RBMS1: variants seen among roughly 807,000 people sequenced by gnomAD.
The protein encoded by RBMS1 is RNA binding motif single stranded interacting protein 1.
Under a neutral mutation model 62.3 loss-of-function variants are expected in RBMS1, and 17 were observed. The ratio of observed to expected loss-of-function variants is 0.27; its 90% CI spans 0.19 to 0.41. RBMS1 has a LOEUF of 0.41. Ranked by LOEUF, RBMS1 falls within the 10% of genes least tolerant of loss-of-function variation. RBMS1 has a pLI of 1.00. For synonymous variants in RBMS1, 172 were observed against 170.0 expected, an observed-to-expected ratio of 1.01 and a Z score of -0.09; for missense variants, 334 against 504.5, an observed-to-expected ratio of 0.66 and a Z score of 3.24.
At chr2:160,447,773 C>A (rs1683719165) in intron 1 of RBMS1, among the ~76,000 whole-genome samples, 1 of 152,178 alleles carries the variant, frequency 6.6e-6, no homozygotes, top group Non-Finnish European at 1.5e-5. Flanking sequence ...ATCCAAAGAT[C>A]AAGAGATACT....
chr2:160,309,433 T>C (rs1689727574), intron 4 of RBMS1, among the ~76,000 whole-genome samples: 1 of 152,156 alleles, frequency 6.6e-6, no homozygotes, highest in Admixed American at 6.5e-5. Flanking sequence ...TAAGGATGAC[T>C]GGCAAAGGTA....
At chr2:160,425,341 T>A (rs1167634714) in intron 1 of RBMS1, among the ~76,000 whole-genome samples, 1 of 152,236 alleles carries the variant, frequency 6.6e-6, no homozygotes, top group African/African-American at 2.4e-5. Flanking sequence ...TGGCTTTTAA[T>A]TAATTTATAT....
chr2:160,411,031 C>G (rs1024954329), intron 1 of RBMS1, among the ~76,000 whole-genome samples: 18 of 152,154 alleles, frequency 1.2e-4, no homozygotes, highest in Non-Finnish European at 2.4e-4. Flanking sequence ...CCTGAGCCAC[C>G]GCACCTCACC....
intron 1 of RBMS1, among the ~76,000 whole-genome samples, chr2:160,451,226 TATTA>T (rs903701005): frequency 2.6e-5 from 4 of 152,070 alleles, no homozygotes; most frequent in African/African-American, 9.7e-5. Flanking sequence ...TGATGTTTTG[TATTA>T]ATTGTCAAAG....
At chr2:160,397,145 G>T (rs1019729180) in intron 1 of RBMS1, among the ~76,000 whole-genome samples, 2 of 151,942 alleles carry the variant, frequency 1.3e-5, no homozygotes, top group Non-Finnish European at 2.9e-5. Context: ...TCGTACCTCT[G>T]AACTCCCATG....
At chr2:160,390,756 A>G (rs1487875775) in intron 1 of RBMS1, among the ~76,000 whole-genome samples, 2 of 151,920 alleles carry the variant, frequency 1.3e-5, no homozygotes, top group African/African-American at 4.8e-5. Flanking sequence ...ACTTGCACAA[A>G]GCAGAGGATG....
chr2:160,408,973 G>A (rs1327434633), intron 1 of RBMS1, among the ~76,000 whole-genome samples: 2 of 152,170 alleles, frequency 1.3e-5, no homozygotes. Flanking sequence ...TTCCTGGAAA[G>A]GCTCATCTGC....
At chr2:160,299,347 GTT>G (rs1689095746) in intron 6 of RBMS1, among the ~76,000 whole-genome samples, 1 of 152,214 alleles carries the variant, frequency 6.6e-6, no homozygotes, top group Non-Finnish European at 1.5e-5. Flanking sequence ...GTAATTCATA[GTT>G]TTTGTTCACT....
At chr2:160,460,278 T>C (rs1684406350) in intron 1 of RBMS1, among the ~76,000 whole-genome samples, 1 of 152,172 alleles carries the variant, frequency 6.6e-6, no homozygotes, top group Admixed American at 6.5e-5. Flanking sequence ...AAGCAGGTGG[T>C]GAGCAGCCTG....
chr2:160,309,019 T>A (rs1235584060), intron 4 of RBMS1, among the ~76,000 whole-genome samples: 1 of 152,096 alleles, frequency 6.6e-6, no homozygotes, highest in Non-Finnish European at 1.5e-5. Context: ...AAAATAGAAC[T>A]CTTTCTAATT....
rs1417824503 is a variant in RBMS1, at chr2:160,274,337, T to C, written c.*435A>G. On this transcript the variant is annotated 3_prime_UTR_variant, in exon 14 of 14. Transcript: ENST00000348849. ...TTTAAACTTCAGAAAGCCCATTTCA[T>C]ACAGCTGGAAAAAAAAAACACAAAT... 2 of 147,494 alleles carry C rather than the reference T, an allele frequency of 1.4e-5. No homozygotes were observed. Among genetic ancestry groups the C allele is most frequent in the East Asian group, 4.1e-4 (2 of 4,900 alleles). The allele number at this position is 147,494 out of a possible 1,614,324, so 9.1% of individuals were successfully genotyped here. A position where few individuals can be genotyped will look rare whatever the true frequency, so the allele number is the denominator to read the frequency against.
chr2:160,468,899 C>T (rs1684804324), intron 1 of RBMS1, among the ~76,000 whole-genome samples: 1 of 152,230 alleles, frequency 6.6e-6, no homozygotes, highest in Admixed American at 6.5e-5. Context: ...TTGCCTTTAC[C>T]CATGGATAGG....
intron 2 of RBMS1, among the ~76,000 whole-genome samples, chr2:160,327,675 T>G (rs1691025076): frequency 6.6e-6 from 1 of 152,150 alleles, no homozygotes; most frequent in Non-Finnish European, 1.5e-5. Context: ...CTACAGCACT[T>G]AAGGATGTAG....
At chr2:160,320,347 C>T (rs1574275949) in intron 2 of RBMS1, among the ~76,000 whole-genome samples, 2 of 152,240 alleles carry the variant, frequency 1.3e-5, no homozygotes, top group South Asian at 4.2e-4. Flanking sequence ...TGGTGCGGGG[C>T]CTATTGTCCC....
At chr2:160,331,318 G>C (rs1296446767) in intron 2 of RBMS1, among the ~76,000 whole-genome samples, 2 of 152,058 alleles carry the variant, frequency 1.3e-5, no homozygotes, top group African/African-American at 4.8e-5. Context: ...CCTTCACCAG[G>C]GAAATTTAGC....
At chr2:160,436,740 G>A (rs781527159) in intron 1 of RBMS1, among the ~76,000 whole-genome samples, 11 of 151,838 alleles carry the variant, frequency 7.2e-5, no homozygotes, top group Non-Finnish European at 1.2e-4. Context: ...AAATATTTCC[G>A]AGGGTGCTGC....
At chr2:160,487,222 A>G (rs1427624967) in intron 1 of RBMS1, among the ~76,000 whole-genome samples, 3 of 152,352 alleles carry the variant, frequency 2.0e-5, no homozygotes, top group East Asian at 3.9e-4. Flanking sequence ...TAAAATTCCC[A>G]GATTTATTGT....
chr2:160,293,690 G>A (rs546383727), intron 6 of RBMS1, among the ~76,000 whole-genome samples: 1 of 152,266 alleles, frequency 6.6e-6, no homozygotes, highest in East Asian at 1.9e-4. Context: ...TGGTGGCGAG[G>A]GGGAGAGGTG....
intron 1 of RBMS1, among the ~76,000 whole-genome samples, chr2:160,478,175 G>C (rs576682981): frequency 4.6e-5 from 7 of 152,294 alleles, no homozygotes; most frequent in African/African-American, 1.7e-4. Context: ...ATACAACTTA[G>C]GTTTCCTTAC....
Sources: gnomAD v4.1 joint callset for allele counts (sites outside exome capture counted in the v4.1 genomes callset) on GRCh38, gnomAD v4.1.1 for gene constraint, MANE v1.5 for transcripts, NCBI Gene and HGNC (gene_info 2026-07-23, HGNC 2026-07-21) for gene names.